Variants in CASK observed in about 807,000 individuals in gnomAD.
CASK encodes peripheral plasma membrane protein CASK.
A neutral mutation model predicts 82.9 loss-of-function variants in CASK; 4 were observed. The observed-to-expected ratio is 0.05, with a 90% CI of 0.02 to 0.11. The LOEUF (loss-of-function observed/expected upper bound fraction) is 0.11, where lower values mean the gene tolerates loss of function less well. CASK is among the 10% of genes least tolerant of loss of function. The probability of loss-of-function intolerance (pLI) is 1.00; values close to 1 mark genes in which losing one functional copy is unlikely to be tolerated. For synonymous variants in CASK, 259 were observed against 253.5 expected (o/e 1.02, Z -0.20); for missense variants, 358 against 720.9 (o/e 0.50, Z 5.76).
intron 3 of CASK, among the ~76,000 whole-genome samples, chrX:41,766,242 G>A (rs1430325676): frequency 1.8e-5 from 2 of 111,931 alleles, no homozygotes; most frequent in Non-Finnish European, 3.8e-5. Flanking sequence ...ATGAAAAGAA[G>A]TGCAAAGAAA....
At chrX:41,643,904 G>A (rs2066707166) in intron 8 of CASK, among the ~76,000 whole-genome samples, 1 of 111,917 alleles carries the variant, frequency 8.9e-6, no homozygotes, top group South Asian at 3.7e-4. Context: ...GATATTGGCT[G>A]TGGGTTTGTC....
chrX:41,693,016 C>T (rs766938667), intron 5 of CASK, among the ~76,000 whole-genome samples: 1 of 111,019 alleles, frequency 9.0e-6, no homozygotes, highest in Non-Finnish European at 1.9e-5. Context: ...TACAGAGAGC[C>T]GAACAAAATT....
chrX:41,885,343 T>C (rs1257343185), intron 1 of CASK, among the ~76,000 whole-genome samples: 2 of 108,451 alleles, frequency 1.8e-5, no homozygotes, highest in African/African-American at 6.5e-5. Flanking sequence ...TGAGATAAAA[T>C]TACAAACCTT....
chrX:41,598,913 T>G (rs1005232918), intron 12 of CASK, among the ~76,000 whole-genome samples: 1 of 112,283 alleles, frequency 8.9e-6, no homozygotes, highest in Non-Finnish European at 1.9e-5. Flanking sequence ...ACTATCTGCA[T>G]GGAGATAGCA....
chrX:41,744,908 A>T (rs1219171780), intron 4 of CASK, among the ~76,000 whole-genome samples: 1 of 112,269 alleles, frequency 8.9e-6, no homozygotes, highest in East Asian at 2.8e-4. Flanking sequence ...AGAATTCTAC[A>T]TGGTTCCTGA....
chrX:41,686,808 T>C (rs2067449698), intron 5 of CASK, among the ~76,000 whole-genome samples: 1 of 112,049 alleles, frequency 8.9e-6, no homozygotes, highest in Non-Finnish European at 1.9e-5. Flanking sequence ...AGAACAGTGA[T>C]ATCAGTAATA....
intron 12 of CASK, among the ~76,000 whole-genome samples, chrX:41,600,669 G>A (rs765909714): frequency 2.7e-5 from 3 of 112,237 alleles, no homozygotes; most frequent in Non-Finnish European, 3.8e-5. Context: ...AGGGACTTCC[G>A]TAGTCATTAA....
intron 21 of CASK, among the ~76,000 whole-genome samples, chrX:41,545,840 G>A (rs948659244): frequency 4.7e-5 from 5 of 105,886 alleles, no homozygotes; most frequent in African/African-American, 1.0e-4. Context: ...CACCCCCGCC[G>A]AGACGAAGTC....
intron 2 of CASK, among the ~76,000 whole-genome samples, chrX:41,830,681 G>A (rs932064429): frequency 1.9e-4 from 21 of 107,876 alleles, no homozygotes; most frequent in Admixed American, 1.2e-3. Context: ...TTAGCCGGGC[G>A]TGGTGGCGGG....
At chrX:41,869,812 C>CAAAAAAAAAAAAAAAAAAAAA (rs72190097) in intron 1 of CASK, among the ~76,000 whole-genome samples, 7 of 12,116 alleles carry the variant, frequency 5.8e-4, no homozygotes, top group Non-Finnish European at 7.4e-4. Context: ...GACTCTGTCT[C>CAAAAAAAAAAAAAAAAAAAAA]AAAAAAAAAA....
intron 2 of CASK, among the ~76,000 whole-genome samples, chrX:41,801,967 A>ACT (rs1259115629): frequency 2.7e-5 from 3 of 111,299 alleles, no homozygotes; most frequent in African/African-American, 9.8e-5. Flanking sequence ...GAAGATCAGA[A>ACT]GATTCTTCTG....
chrX:41,601,463 ACTT>A (rs2065892680), intron 12 of CASK, among the ~76,000 whole-genome samples: 1 of 112,054 alleles, frequency 8.9e-6, no homozygotes. Flanking sequence ...CACAATTTGG[ACTT>A]CTTCCATAAG....
chrX:41,742,329 C>T (rs1225918682), intron 4 of CASK, among the ~76,000 whole-genome samples: 2 of 111,524 alleles, frequency 1.8e-5, no homozygotes, highest in Admixed American at 1.9e-4. Context: ...TAAGAAGTGA[C>T]GTGGGGGGCT....
intron 5 of CASK, chrX:41,698,227 CA>C (rs1421574489): frequency 8.9e-6 from 1 of 111,944 alleles, no homozygotes; most frequent in Admixed American, 9.5e-5. Flanking sequence ...GCAAATATGG[CA>C]AAATGTTAAT....
intron 26 of CASK, among the ~76,000 whole-genome samples, chrX:41,521,708 C>T (rs2064639783): frequency 1.8e-5 from 2 of 112,127 alleles, no homozygotes; most frequent in African/African-American, 6.5e-5. Context: ...GTCAAATTAA[C>T]CACCCCCTAC....
Position 41,577,652 on chromosome X carries a change from T to A in CASK, c.1503+688A>T, listed in dbSNP as rs141106250. On this transcript the variant is annotated intron_variant, in intron 15 of 26. Transcript: ENST00000378163. ...GCCTTTTTACTACCAGGTTTACACA[T>A]GTGCTATTTGGTTTGCTGAATAGTA... Among the ~76,000 whole-genome samples the A allele has an allele frequency of 5.4e-5, 6 of 111,482 alleles. No homozygotes were observed. In the Admixed American group the frequency reaches 5.7e-4, roughly 11 times the overall value.
chrX:41,757,664 T>C (rs775072717), intron 3 of CASK, among the ~76,000 whole-genome samples: 1 of 112,187 alleles, frequency 8.9e-6, no homozygotes, highest in African/African-American at 3.2e-5. Context: ...CAAGTAGTGC[T>C]ACCATGTCTG....
intron 22 of CASK, among the ~76,000 whole-genome samples, chrX:41,538,254 T>C (rs1031438917): frequency 1.2e-4 from 14 of 112,347 alleles, no homozygotes; most frequent in Non-Finnish European, 3.8e-5. Flanking sequence ...AAGTCAATAG[T>C]ACTAATTTGT....
intron 1 of CASK, among the ~76,000 whole-genome samples, chrX:41,873,936 G>A (rs1273893548): frequency 4.6e-5 from 5 of 108,856 alleles, no homozygotes; most frequent in African/African-American, 6.7e-5. Context: ...GTCTATAGGC[G>A]CACACCACCA....
Sources: allele counts gnomAD v4.1 joint callset (sites outside exome capture counted in the v4.1 genomes callset), GRCh38; gene constraint gnomAD v4.1.1; transcripts MANE v1.5; gene names NCBI Gene and HGNC (gene_info 2026-07-23, HGNC 2026-07-21).